The following RTL4 variants were observed in gnomAD, a reference collection of about 807,000 sequenced individuals.
The protein encoded by RTL4 is retrotransposon Gag like 4.
A neutral mutation model predicts 5.3 loss-of-function variants in RTL4; 4 were observed. The ratio of observed to expected loss-of-function variants is 0.75; its 90% CI spans 0.37 to 1.72. RTL4 has a LOEUF of 1.72. Ranked by LOEUF, RTL4 falls within the 40% of genes most tolerant of loss-of-function variation. RTL4 has a pLI of 0.04. For missense variants in RTL4, 260 were observed against 227.1 expected (o/e 1.14, Z -0.93); for synonymous variants, 98 against 87.3 (o/e 1.12, Z -0.68).
At chrX:112,435,702 C>T in the RTL4 span, among the ~76,000 whole-genome samples, 24,800 of 110,253 alleles carry the variant, frequency 0.22, 2,129 homozygotes, top group Middle Eastern at 0.28. Flanking sequence ...AGAAAAAGTC[C>T]GAAAAGAGAC....
the RTL4 span, among the ~76,000 whole-genome samples, chrX:112,251,722 A>T: frequency 1.3e-3 from 140 of 111,433 alleles, no homozygotes; most frequent in Middle Eastern, 4.7e-3. Flanking sequence ...ACAGACCAGC[A>T]CTGTACTTCT....
At chrX:112,118,910 A>G in the RTL4 span, among the ~76,000 whole-genome samples, 23 of 110,894 alleles carry the variant, frequency 2.1e-4, no homozygotes, top group African/African-American at 7.5e-4. Context: ...TCCGAGATGG[A>G]GTCTCGCTCT....
chrX:112,453,797 A>T (rs1235067756), upstream of RTL4, among the ~76,000 whole-genome samples: 1 of 112,122 alleles, frequency 8.9e-6, no homozygotes. Context: ...AAGATTCTGC[A>T]TTTCTAACAA....
chrX:112,084,064 C>T, the RTL4 span, among the ~76,000 whole-genome samples: 1 of 111,509 alleles, frequency 9.0e-6, no homozygotes, highest in Non-Finnish European at 1.9e-5. Context: ...CTCCACTGTA[C>T]TTCCTGTTGC....
chrX:112,239,278 G>A, the RTL4 span, among the ~76,000 whole-genome samples: 38 of 111,204 alleles, frequency 3.4e-4, no homozygotes, highest in African/African-American at 1.2e-3. Context: ...GGTAGTGTCA[G>A]TGGGGCCTAG....
At chrX:112,442,458 A>T in the RTL4 span, among the ~76,000 whole-genome samples, 1 of 108,657 alleles carries the variant, frequency 9.2e-6, no homozygotes, top group Non-Finnish European at 1.9e-5. Context: ...CATGTTGGCC[A>T]GGCTGGTCTC....
chrX:112,331,920 A>G, the RTL4 span, among the ~76,000 whole-genome samples: 125 of 97,255 alleles, frequency 1.3e-3, no homozygotes, highest in African/African-American at 4.8e-3. Flanking sequence ...AAAAAACCAA[A>G]CACCACATAT....
At chrX:112,271,387 C>A in the RTL4 span, among the ~76,000 whole-genome samples, 1 of 113,317 alleles carries the variant, frequency 8.8e-6, no homozygotes, top group South Asian at 3.5e-4. Flanking sequence ...GACCAAATTG[C>A]CAAAAGCGAA....
chrX:112,186,699 C>T, the RTL4 span, among the ~76,000 whole-genome samples: 1 of 111,773 alleles, frequency 8.9e-6, no homozygotes, highest in African/African-American at 3.3e-5. Context: ...ATGTCAGAAA[C>T]CTCAGTAGCA....
chrX:112,410,088 T>C, the RTL4 span, among the ~76,000 whole-genome samples: 1 of 111,785 alleles, frequency 8.9e-6, no homozygotes, highest in Non-Finnish European at 1.9e-5. Context: ...TATAGTTATA[T>C]CAGACAAAAT....
the RTL4 span, among the ~76,000 whole-genome samples, chrX:112,398,227 T>C: frequency 9.0e-6 from 1 of 110,624 alleles, no homozygotes; most frequent in African/African-American, 3.3e-5. Context: ...TTCTTCTGTA[T>C]CTATTGAGAT....
At chrX:112,165,543 G>A in the RTL4 span, among the ~76,000 whole-genome samples, 6 of 111,598 alleles carry the variant, frequency 5.4e-5, no homozygotes, top group African/African-American at 2.0e-4. Flanking sequence ...AGACCCATAT[G>A]AAATCTTATC....
chrX:112,280,349 T>G, the RTL4 span, among the ~76,000 whole-genome samples: 1 of 111,429 alleles, frequency 9.0e-6, no homozygotes. Flanking sequence ...GTTGGAAAAC[T>G]AACTATTGGA....
At chrX:112,268,494 A>G in the RTL4 span, among the ~76,000 whole-genome samples, 1 of 111,613 alleles carries the variant, frequency 9.0e-6, no homozygotes, top group Admixed American at 9.6e-5. Flanking sequence ...TCTATTTTCA[A>G]CCCAGATATC....
At chrX:112,123,273 A>G in the RTL4 span, among the ~76,000 whole-genome samples, 5 of 112,323 alleles carry the variant, frequency 4.5e-5, no homozygotes, top group Non-Finnish European at 7.5e-5. Context: ...ATGATTTCAA[A>G]TTTGTTTATA....
At chrX:112,096,539 A>G in the RTL4 span, among the ~76,000 whole-genome samples, 1 of 111,720 alleles carries the variant, frequency 9.0e-6, no homozygotes, top group African/African-American at 3.2e-5. Context: ...CTGATGGGAA[A>G]TGTATCAGCT....
the RTL4 span, among the ~76,000 whole-genome samples, chrX:112,446,779 C>T: frequency 1.8e-5 from 2 of 111,564 alleles, no homozygotes; most frequent in East Asian, 2.8e-4. Flanking sequence ...ACCCGGGAAG[C>T]GAAGGTTACA....
At chrX:112,112,949 G>T in the RTL4 span, among the ~76,000 whole-genome samples, 1 of 111,433 alleles carries the variant, frequency 9.0e-6, no homozygotes, top group Non-Finnish European at 1.9e-5. Context: ...TATAGGGGTT[G>T]GGTACAACTG....
the RTL4 span, among the ~76,000 whole-genome samples, chrX:112,151,816 T>C: frequency 4.5e-5 from 5 of 112,025 alleles, no homozygotes; most frequent in Non-Finnish European, 7.5e-5. Context: ...TTTCAAGCCC[T>C]GACCCCATAG....
Sources: gnomAD v4.1 joint callset for allele counts (sites outside exome capture counted in the v4.1 genomes callset) on GRCh38, gnomAD v4.1.1 for gene constraint, MANE v1.5 for transcripts, NCBI Gene and HGNC (gene_info 2026-07-23, HGNC 2026-07-21) for gene names.